The following MAP1LC3A variants were observed in gnomAD, a reference collection of about 807,000 sequenced individuals.
MAP1LC3A encodes the protein microtubule associated protein 1 light chain 3 alpha, also known as microtubule-associated protein 1 light chain 3 alpha.
MAP1LC3A carries 10 observed loss-of-function variants against 15.2 expected under a neutral mutation model. The observed-to-expected ratio is 0.66, with a 90% CI of 0.41 to 1.12. The LOEUF (loss-of-function observed/expected upper bound fraction) is 1.12, where lower values mean the gene tolerates loss of function less well. Ranked by LOEUF, MAP1LC3A falls within the 50% of genes most tolerant of loss-of-function variation. MAP1LC3A has a pLI of 0.00. For synonymous variants in MAP1LC3A, 63 were observed against 64.3 expected, an observed-to-expected ratio of 0.98 and a Z score of 0.10; for missense variants, 138 against 167.3, an observed-to-expected ratio of 0.82 and a Z score of 0.97.
At chr20:34,554,059 A>T (rs1370707726), upstream of MAP1LC3A, among the ~76,000 whole-genome samples, 2 of 152,176 alleles carry the variant, frequency 1.3e-5, no homozygotes, top group African/African-American at 2.4e-5. Flanking sequence ...AGCTGAGGTC[A>T]GTTACACTCC....
chr20:34,559,961 C>T lies in MAP1LC3A; in HGVS notation c.*63C>T, dbSNP rs1018083268. On this transcript the variant is annotated 3_prime_UTR_variant, in exon 4 of 4. Coordinates refer to ENST00000360668, the MANE Select transcript of MAP1LC3A (RefSeq NM_032514.4). ...CCCCGGTCAGGCCCTGCCCAGAGAGCTCCTGGTTCCTGAACTGAGCTGCCT... is the reference window on the plus strand; with the variant it reads ...CCCCGGTCAGGCCCTGCCCAGAGAGTTCCTGGTTCCTGAACTGAGCTGCCT... 2 of 1,530,304 alleles carry T rather than the reference C, an allele frequency of 1.3e-6. No individual in the cohort carries two copies. The highest frequency in any genetic ancestry group is 1.8e-6 in the Non-Finnish European group (2 of 1,135,374). The allele number at this position is 1,530,304 out of a possible 1,614,324, so 94.8% of individuals were successfully genotyped here.
At chr20:34,556,008 A>G (rs960223596), upstream of MAP1LC3A, among the ~76,000 whole-genome samples, 20 of 151,718 alleles carry the variant, frequency 1.3e-4, no homozygotes, top group Non-Finnish European at 2.4e-4. Flanking sequence ...ACGCCCAGCT[A>G]ATTTTTTGTA....
At chr20:34,552,816 C>T (rs553726984) in intron 2 of MAP1LC3A, among the ~76,000 whole-genome samples, 2 of 152,144 alleles carry the variant, frequency 1.3e-5, no homozygotes, top group South Asian at 4.1e-4. Context: ...GAAGGTGGAA[C>T]AGACAGGATT....
upstream of MAP1LC3A, chr20:34,558,381 A>G (rs77996577): frequency 2.0e-6 from 2 of 988,196 alleles, no homozygotes; most frequent in Non-Finnish European, 2.4e-6. This position sits in a 1 kb window ranked among gnomAD's most constrained non-coding sequence, Gnocchi z 4.3. Context: ...GCTGTTTCCC[A>G]CGGCGCCCAG....
At chr20:34,558,557 G>A, upstream of MAP1LC3A, 1 of 1,167,180 alleles carries the variant, frequency 8.6e-7, no homozygotes, top group South Asian at 3.8e-5. This position sits in a 1 kb window ranked among gnomAD's most constrained non-coding sequence, Gnocchi z 4.3. Flanking sequence ...GACGTCACGG[G>A]ACTGTGACGC....
chr20:34,555,469 G>A (rs983352223), upstream of MAP1LC3A, among the ~76,000 whole-genome samples: 3 of 151,880 alleles, frequency 2.0e-5, no homozygotes, highest in Non-Finnish European at 2.9e-5. Context: ...TTGTAGAGAC[G>A]GGGTCTCACT....
At chr20:34,555,146 TA>T (rs202074318), upstream of MAP1LC3A, among the ~76,000 whole-genome samples, 209 of 149,160 alleles carry the variant, frequency 1.4e-3, 15 homozygotes, top group Middle Eastern at 3.5e-3. Context: ...CGAATTTTCT[TA>T]TTTTTTTTTT....
exon 2 of MAP1LC3A, chr20:34,549,947 A>G: frequency 1.2e-6 from 2 of 1,610,480 alleles, no homozygotes; most frequent in South Asian, 1.1e-5. Context: ...TCCACCTCAG[A>G]GGTAGTTCTG....
At chr20:34,553,194 TG>T (rs112218703) in intron 2 of MAP1LC3A, among the ~76,000 whole-genome samples, 36 of 151,748 alleles carry the variant, frequency 2.4e-4, no homozygotes, top group Non-Finnish European at 2.9e-4. Context: ...ATCTCAAAAA[TG>T]AAAAATAAAT....
chr20:34,550,006 G>A (rs1286231501), exon 2 of MAP1LC3A: 1 of 1,614,186 alleles, frequency 6.2e-7, no homozygotes. Flanking sequence ...AGTTCTCCAT[G>A]TGGAAAAGCA....
chr20:34,553,148 C>T (rs1036097704), intron 2 of MAP1LC3A, among the ~76,000 whole-genome samples: 11 of 151,952 alleles, frequency 7.2e-5, no homozygotes, highest in Admixed American at 4.6e-4. Context: ...AATATTGTGC[C>T]GTTGCACTCC....
Position 34,560,053 on chromosome 20 carries a change from C to A in MAP1LC3A, c.*155C>A. 1.4e-6 allele frequency: 1 copy of A among 725,538 alleles called. No individual in the cohort carries two copies. Among genetic ancestry groups the A allele is most frequent in the Non-Finnish European group, 2.2e-6 (1 of 453,076 alleles). 44.9% of individuals were successfully genotyped at this position (725,538 alleles called of 1,614,324 possible). A position where few individuals can be genotyped will look rare whatever the true frequency, so the allele number is the denominator to read the frequency against. ...AGGGCACCAACCCACCTACTCTGCCCCTGGGTGGATCCTGGGCCGGTCGTG... is the reference window on the plus strand; with the variant it reads ...AGGGCACCAACCCACCTACTCTGCCACTGGGTGGATCCTGGGCCGGTCGTG... On this transcript the variant is annotated 3_prime_UTR_variant, in exon 4 of 4. Transcript: ENST00000360668.
upstream of MAP1LC3A, among the ~76,000 whole-genome samples, chr20:34,554,956 C>T (rs1348385657): frequency 6.6e-6 from 1 of 151,760 alleles, no homozygotes; most frequent in African/African-American, 2.4e-5. Flanking sequence ...GATCTGCCTG[C>T]CTTGGCCTCC....
Position 34,558,987 on chromosome 20 carries a change from C to T in MAP1LC3A, c.40+79C>T, listed in dbSNP as rs1328903658. The T allele has an allele frequency of 3.0e-6, 4 of 1,340,392 alleles. No homozygotes were observed. In the East Asian group the frequency reaches 1.3e-4, roughly 42 times the overall value. The allele number at this position is 1,340,392 out of a possible 1,614,324, so 83.0% of individuals were successfully genotyped here. ...CGACTGCCGCAGGTGACGTCAGCCC[C>T]GTGACGTCAGGCTCTGGCTGGACCC... On this transcript the variant is annotated intron_variant, in intron 1 of 3. Transcript: ENST00000360668. This position sits in a 1 kb window ranked among gnomAD's most constrained non-coding sequence, Gnocchi z 4.3.
intron 3 of MAP1LC3A, 83 bp downstream of exon 3, chr20:34,559,536 A>G: frequency 4.4e-6 from 6 of 1,357,266 alleles, no homozygotes; most frequent in Admixed American, 1.9e-5. Flanking sequence ...GAGTGGGGTC[A>G]GGGGTGATGG....
chr20:34,557,223 C>G (rs892054786), upstream of MAP1LC3A, among the ~76,000 whole-genome samples: 1 of 152,212 alleles, frequency 6.6e-6, no homozygotes, highest in Admixed American at 6.5e-5. Context: ...TTTTCTACCT[C>G]TGGTTTTGTA....
intron 1 of MAP1LC3A, among the ~76,000 whole-genome samples, chr20:34,548,754 G>A (rs1204313094): frequency 6.6e-6 from 1 of 151,472 alleles, no homozygotes; most frequent in Non-Finnish European, 1.5e-5. Flanking sequence ...CTCCCAGGCT[G>A]GAGTGCAATG....
At chr20:34,553,397 G>A (rs1283923366) in intron 2 of MAP1LC3A, among the ~76,000 whole-genome samples, 1 of 152,090 alleles carries the variant, frequency 6.6e-6, no homozygotes, top group Non-Finnish European at 1.5e-5. Flanking sequence ...ACTGAAGGGC[G>A]AGTCAGCCCT....
At position 34,550,443 on chromosome 20, in the gene MAP1LC3A, T is replaced by C. The variant is rs74666885; in HGVS notation, c.52+414T>C. ...AGGGGTCACTTATCCAAATAATAAT[T>C]ACTGAGCACCCACCATGTGCCACAC... On this transcript the variant is annotated intron_variant, in intron 2 of 4. Coordinates refer to the MAP1LC3A transcript ENST00000374837. Among the ~76,000 whole-genome samples, 1,231 of 152,252 alleles carry C rather than the reference T, an allele frequency of 8.1e-3. 21 individuals are homozygous for C. The highest frequency in any genetic ancestry group is 0.028 in the African/African-American group (1,180 of 41,542).
Sources: allele counts gnomAD v4.1 joint callset (sites outside exome capture counted in the v4.1 genomes callset), GRCh38; gene constraint gnomAD v4.1.1; non-coding constraint Gnocchi (gnomAD v3.1); transcripts MANE v1.5; gene names NCBI Gene and HGNC (gene_info 2026-07-23, HGNC 2026-07-21).